The following PCDH9 variants were observed in gnomAD, a reference collection of about 807,000 sequenced individuals.
PCDH9 encodes protocadherin-9.
A neutral mutation model predicts 70.6 loss-of-function variants in PCDH9; 24 were observed. That is an observed-to-expected ratio of 0.34 (90% CI 0.25 to 0.48). The LOEUF (loss-of-function observed/expected upper bound fraction) is 0.48. Ranked by LOEUF, PCDH9 falls within the 20% of genes least tolerant of loss-of-function variation. PCDH9 has a pLI of 0.99. For synonymous variants in PCDH9, 562 were observed against 558.5 expected (o/e 1.01, Z -0.09); for missense variants, 1,281 against 1,503.6 (o/e 0.85, Z 2.45).
intron 2 of PCDH9, among the ~76,000 whole-genome samples, chr13:67,063,397 G>A (rs1165754441): frequency 6.6e-6 from 1 of 152,114 alleles, no homozygotes. Context: ...TACATGCTAA[G>A]CTTGGGGAGG....
chr13:66,383,514 C>T (rs1013330048), intron 4 of PCDH9, among the ~76,000 whole-genome samples: 1 of 152,116 alleles, frequency 6.6e-6, no homozygotes, highest in African/African-American at 2.4e-5. Flanking sequence ...CTAGTTACTC[C>T]AGCTGCAATT....
chr13:66,412,302 C>A (rs1351855825), intron 4 of PCDH9, among the ~76,000 whole-genome samples: 2 of 152,182 alleles, frequency 1.3e-5, no homozygotes, highest in Non-Finnish European at 2.9e-5. Context: ...GCTGGGACTA[C>A]AGGTGCATCC....
At chr13:67,020,395 A>T (rs1318868051) in intron 2 of PCDH9, among the ~76,000 whole-genome samples, 1 of 152,204 alleles carries the variant, frequency 6.6e-6, no homozygotes, top group Non-Finnish European at 1.5e-5. Context: ...TGTTCAAGTA[A>T]AGCTTTATCA....
chr13:67,176,533 A>C (rs541047480), intron 2 of PCDH9, among the ~76,000 whole-genome samples: 26 of 152,140 alleles, frequency 1.7e-4, no homozygotes, highest in Admixed American at 6.5e-4. Flanking sequence ...ACAAAAAAAA[A>C]ACAAAGAATC....
chr13:66,734,136 ATGATGTAAAT>A (rs1851302947), intron 3 of PCDH9, among the ~76,000 whole-genome samples: 1 of 152,178 alleles, frequency 6.6e-6, no homozygotes. Flanking sequence ...TTTGGGTCAC[ATGATGTAAAT>A]TGACTTGGAA....
At chr13:66,865,592 G>C in intron 3 of PCDH9, among the ~76,000 whole-genome samples, 1 of 152,150 alleles carries the variant, frequency 6.6e-6, no homozygotes, top group Non-Finnish European at 1.5e-5. Flanking sequence ...ATAATTTCCA[G>C]TGGGTCTCTG....
chr13:66,990,564 A>G (rs2083981898), intron 2 of PCDH9, among the ~76,000 whole-genome samples: 2 of 149,646 alleles, frequency 1.3e-5, no homozygotes, highest in African/African-American at 4.9e-5. Context: ...ATATTCTTTT[A>G]TATATAAAAA....
intron 4 of PCDH9, among the ~76,000 whole-genome samples, chr13:66,507,357 T>C (rs1235645410): frequency 1.3e-5 from 2 of 152,182 alleles, no homozygotes; most frequent in African/African-American, 4.8e-5. Context: ...TCAGAATTGG[T>C]ATCACGGGTG....
intron 3 of PCDH9, among the ~76,000 whole-genome samples, chr13:66,894,813 A>ATT (rs11386383): frequency 6.8e-6 from 1 of 146,664 alleles, no homozygotes; most frequent in African/African-American, 2.5e-5. Flanking sequence ...AATATTAAGT[A>ATT]TTTTTTTTTT....
At chr13:67,180,152 A>G (rs1244305644) in intron 2 of PCDH9, among the ~76,000 whole-genome samples, 2 of 152,164 alleles carry the variant, frequency 1.3e-5, no homozygotes, top group African/African-American at 4.8e-5. Context: ...TGATATACTG[A>G]GATGCTTTTC....
chr13:66,919,112 TG>T (rs2082601060), intron 2 of PCDH9, among the ~76,000 whole-genome samples: 1 of 151,316 alleles, frequency 6.6e-6, no homozygotes, highest in South Asian at 2.1e-4. Context: ...TCTATATTAT[TG>T]GTTATTTTAT....
chr13:67,214,958 ATATATATATATATATTC>A (rs2089564614), intron 2 of PCDH9: 1 of 74,572 alleles, frequency 1.3e-5, no homozygotes, highest in Admixed American at 1.6e-4. Flanking sequence ...ATATATATAT[ATATATATATATATATTC>A]ACTTAATCTT....
chr13:66,430,455 G>T (rs1957751217), intron 4 of PCDH9, among the ~76,000 whole-genome samples: 1 of 151,966 alleles, frequency 6.6e-6, no homozygotes, highest in Non-Finnish European at 1.5e-5. Flanking sequence ...AGTCTGTAAG[G>T]GAGAGTGAAG....
intron 4 of PCDH9, among the ~76,000 whole-genome samples, chr13:66,602,212 A>C (rs1303566584): frequency 6.8e-6 from 1 of 146,206 alleles, no homozygotes; most frequent in African/African-American, 2.5e-5. Flanking sequence ...TAAATCACAC[A>C]CACAAAAAAA....
intron 2 of PCDH9, chr13:67,209,597 A>G (rs561473442): frequency 3.3e-5 from 5 of 152,264 alleles, no homozygotes; most frequent in Admixed American, 2.6e-4. Flanking sequence ...TGCAGTAAGT[A>G]GTAGTAAATG....
At chr13:66,394,717 T>C (rs187942012) in intron 4 of PCDH9, among the ~76,000 whole-genome samples, 185 of 152,296 alleles carry the variant, frequency 1.2e-3, no homozygotes, top group African/African-American at 4.3e-3. Context: ...ATGTAATTAA[T>C]ATACAATTTT....
At chr13:67,081,385 A>T (rs1049260500) in intron 2 of PCDH9, among the ~76,000 whole-genome samples, 2 of 152,294 alleles carry the variant, frequency 1.3e-5, no homozygotes, top group East Asian at 3.9e-4. Flanking sequence ...CCTGACCAAC[A>T]TGGTGAAACT....
intron 2 of PCDH9, among the ~76,000 whole-genome samples, chr13:67,129,039 A>G (rs1176521532): frequency 6.6e-6 from 1 of 151,868 alleles, no homozygotes; most frequent in Non-Finnish European, 1.5e-5. Flanking sequence ...ATTTTTTTTT[A>G]CTTAACACCA....
At chr13:66,477,144 A>G (rs1958745234) in intron 4 of PCDH9, among the ~76,000 whole-genome samples, 2 of 152,110 alleles carry the variant, frequency 1.3e-5, no homozygotes, top group African/African-American at 4.8e-5. Context: ...CTGTCTAACG[A>G]GACAATATGA....
Sources: gnomAD v4.1 joint callset for allele counts (sites outside exome capture counted in the v4.1 genomes callset) on GRCh38, gnomAD v4.1.1 for gene constraint, MANE v1.5 for transcripts, NCBI Gene and HGNC (gene_info 2026-07-23, HGNC 2026-07-21) for gene names.